Variants in SIPA1L3 observed in about 807,000 individuals in gnomAD.
SIPA1L3 encodes the protein signal induced proliferation associated 1 like 3.
A neutral mutation model predicts 150.1 loss-of-function variants in SIPA1L3; 59 were observed. The observed-to-expected ratio is 0.39, with a 90% CI of 0.32 to 0.49. The LOEUF is 0.49. Ranked by LOEUF, SIPA1L3 falls within the 20% of genes least tolerant of loss-of-function variation. SIPA1L3 has a pLI of 0.86. For missense variants in SIPA1L3, 2,211 were observed against 2,489.5 expected, an observed-to-expected ratio of 0.89 and a Z score of 2.38; for synonymous variants, 1,070 against 1,077.6, an observed-to-expected ratio of 0.99 and a Z score of 0.14.
intron 2 of SIPA1L3, among the ~76,000 whole-genome samples, chr19:38,048,045 G>A (rs951844533): frequency 6.6e-6 from 1 of 152,120 alleles, no homozygotes; most frequent in Non-Finnish European, 1.5e-5. Flanking sequence ...GGTGGGCAGG[G>A]GACATGCAGC....
intron 2 of SIPA1L3, among the ~76,000 whole-genome samples, chr19:38,060,489 A>G (rs558441115): frequency 6.6e-6 from 1 of 152,192 alleles, no homozygotes; most frequent in African/African-American, 2.4e-5. Context: ...GGCTGCGGCT[A>G]TGCCTGAGCA....
At chr19:38,200,273 G>A (rs1056738548) in intron 19 of SIPA1L3, 5 of 152,102 alleles carry the variant, frequency 3.3e-5, no homozygotes, top group African/African-American at 7.2e-5. Flanking sequence ...CAAGCTCCTC[G>A]GGAGGCTGAA....
chr19:37,975,721 G>A (rs1599858795), intron 1 of SIPA1L3, among the ~76,000 whole-genome samples: 1 of 152,210 alleles, frequency 6.6e-6, no homozygotes, highest in Non-Finnish European at 1.5e-5. Context: ...ATCCAAGTTA[G>A]AGGACTGCTT....
At chr19:38,188,414 ACC>A (rs1972734637) in intron 16 of SIPA1L3, among the ~76,000 whole-genome samples, 3 of 151,232 alleles carry the variant, frequency 2.0e-5, no homozygotes, top group Non-Finnish European at 2.9e-5. Flanking sequence ...CGAACTCCTG[ACC>A]TCAAGTGTTC....
At chr19:38,035,565 A>G (rs1434668080) in intron 2 of SIPA1L3, among the ~76,000 whole-genome samples, 1 of 152,220 alleles carries the variant, frequency 6.6e-6, no homozygotes, top group African/African-American at 2.4e-5. Flanking sequence ...CCTGGGGTCT[A>G]GTCATAGCTG....
chr19:38,133,761 C>T (rs1171194600), intron 10 of SIPA1L3, among the ~76,000 whole-genome samples: 1 of 152,158 alleles, frequency 6.6e-6, no homozygotes, highest in Non-Finnish European at 1.5e-5. Flanking sequence ...GCCCGGTTTC[C>T]TCATTTGTAA....
intron 3 of SIPA1L3, among the ~76,000 whole-genome samples, chr19:38,086,030 G>A (rs1970123190): frequency 6.6e-6 from 1 of 151,690 alleles, no homozygotes; most frequent in Admixed American, 6.6e-5. Context: ...AAACGCTACG[G>A]GGAGAAGTAG....
chr19:38,115,349 T>C (rs1202780670), intron 8 of SIPA1L3, among the ~76,000 whole-genome samples: 1 of 152,162 alleles, frequency 6.6e-6, no homozygotes, highest in Non-Finnish European at 1.5e-5. Flanking sequence ...TGCTTCTCAT[T>C]GGCCAAACTC....
At chr19:38,127,114 T>C (rs28649033) in intron 9 of SIPA1L3, among the ~76,000 whole-genome samples, 4,413 of 152,120 alleles carry the variant, frequency 0.029, 207 homozygotes, top group African/African-American at 0.1. Flanking sequence ...ATTGCTTGAA[T>C]CCAGGAAGCG....
At chr19:38,052,814 C>A (rs566950469) in intron 2 of SIPA1L3, among the ~76,000 whole-genome samples, 1 of 152,162 alleles carries the variant, frequency 6.6e-6, no homozygotes, top group East Asian at 1.9e-4. Context: ...CCTCCTCTGC[C>A]GGAGGAGTCC....
chr19:38,100,020 G>C lies in SIPA1L3; in HGVS notation c.1724G>C (p.Gly575Ala). ...EDATPTATKH[G>A]TGRGLPLKDA... ...GCTACGCCCACAGCCACCAAGCATG[G>C]GACCGGGCGGGGCCTGCCCTTGAAG... Residue 575 changes from glycine (G) to alanine (A), a missense_variant, in exon 5 of 22, where the codon GGG becomes GCG. Transcript: ENST00000222345. The C allele has an allele frequency of 6.2e-7, 1 of 1,611,298 alleles. No individual in the cohort carries two copies. Among genetic ancestry groups the C allele is most frequent in the Non-Finnish European group, 8.5e-7 (1 of 1,178,978 alleles).
At chr19:38,143,380 C>T (rs8100144) in intron 12 of SIPA1L3, among the ~76,000 whole-genome samples, 99,789 of 151,520 alleles carry the variant, frequency 0.66, 34,342 homozygotes, top group African/African-American at 0.86. Flanking sequence ...CCTTCCTCCT[C>T]CTCCTTGCAG....
At chr19:37,974,611 C>T (rs998531060) in intron 1 of SIPA1L3, among the ~76,000 whole-genome samples, 2 of 152,030 alleles carry the variant, frequency 1.3e-5, no homozygotes, top group African/African-American at 4.8e-5. Context: ...GGGTGAGATG[C>T]AGGAGCAGAA....
intron 2 of SIPA1L3, among the ~76,000 whole-genome samples, chr19:38,065,969 G>A (rs569511409): frequency 1.6e-3 from 210 of 132,144 alleles, no homozygotes; most frequent in Middle Eastern, 8.0e-3. Flanking sequence ...GTCTTGCTCT[G>A]TTGCCCGGGC....
chr19:38,110,083 C>T (rs1482725068), intron 7 of SIPA1L3, 144 bp from the exon 8 acceptor site: 2 of 773,190 alleles, frequency 2.6e-6, no homozygotes, highest in Non-Finnish European at 4.3e-6. Context: ...GAAGGTTTGT[C>T]ACCTGACTCG....
intron 20 of SIPA1L3, 129 bp downstream of exon 20, chr19:38,202,126 C>T (rs954281769): frequency 1.2e-6 from 1 of 817,338 alleles, no homozygotes; most frequent in African/African-American, 1.7e-5. Flanking sequence ...GATATAGCAG[C>T]TACTCCCCCC....
intron 1 of SIPA1L3, among the ~76,000 whole-genome samples, chr19:37,963,143 G>C (rs2046874376): frequency 6.6e-6 from 1 of 152,022 alleles, no homozygotes; most frequent in Admixed American, 6.6e-5. Context: ...TCAAAGTTCA[G>C]TTTCTTCCTT....
chr19:38,037,355 G>C (rs1422582386), intron 2 of SIPA1L3, among the ~76,000 whole-genome samples: 1 of 152,336 alleles, frequency 6.6e-6, no homozygotes, highest in African/African-American at 2.4e-5. Context: ...GGAATGGGGA[G>C]AGAGTCCCTG....
At chr19:38,122,249 G>GAGATAAAGGTGA in intron 9 of SIPA1L3, among the ~76,000 whole-genome samples, 1 of 152,194 alleles carries the variant, frequency 6.6e-6, no homozygotes, top group South Asian at 2.1e-4. Context: ...AAACTCCTGT[G>GAGATAAAGGTGA]TTCCTCCCCA....
Sources: allele counts gnomAD v4.1 joint callset (sites outside exome capture counted in the v4.1 genomes callset), GRCh38; gene constraint gnomAD v4.1.1; transcripts MANE v1.5; gene names NCBI Gene and HGNC (gene_info 2026-07-23, HGNC 2026-07-21).